TMEM132B: variants seen among roughly 807,000 people sequenced by gnomAD.
TMEM132B encodes the protein transmembrane protein 132B.
In TMEM132B, 18 loss-of-function variants were observed where a neutral mutation model predicts 90.8. The observed-to-expected ratio is 0.20, with a 90% CI of 0.14 to 0.29. TMEM132B has a LOEUF of 0.29. Ranked by LOEUF, TMEM132B falls within the 10% of genes least tolerant of loss-of-function variation. The pLI is 1.00. For synonymous variants in TMEM132B, 504 were observed against 523.3 expected (o/e 0.96, Z 0.50); for missense variants, 1,096 against 1,326.8 (o/e 0.83, Z 2.70).
chr12:125,381,973 C>T (rs1185711417), intron 2 of TMEM132B, among the ~76,000 whole-genome samples: 1 of 152,110 alleles, frequency 6.6e-6, no homozygotes, highest in Non-Finnish European at 1.5e-5. Context: ...CTGTGGAGGT[C>T]TTGCCAATTA....
At chr12:125,346,855 A>G (rs1008002562) in intron 1 of TMEM132B, among the ~76,000 whole-genome samples, 1 of 152,212 alleles carries the variant, frequency 6.6e-6, no homozygotes, top group Non-Finnish European at 1.5e-5. Flanking sequence ...TTCAATTAAC[A>G]TATTGTGTTT....
intron 1 of TMEM132B, among the ~76,000 whole-genome samples, chr12:125,317,008 G>T (rs1876299035): frequency 6.6e-6 from 1 of 152,142 alleles, no homozygotes; most frequent in African/African-American, 2.4e-5. Flanking sequence ...CTTGTTCCTG[G>T]CAGGGTGGTG....
chr12:125,390,297 A>G (rs1043369093), intron 2 of TMEM132B, among the ~76,000 whole-genome samples: 1 of 152,244 alleles, frequency 6.6e-6, no homozygotes, highest in African/African-American at 2.4e-5. Flanking sequence ...GTGAGAAAAC[A>G]AACTACTGCT....
At position 125,523,627 on chromosome 12, in the gene TMEM132B, C is replaced by T. The variant is rs138393051; in HGVS notation, c.1293+4002C>T. Among the ~76,000 whole-genome samples, 251 of 152,340 alleles carry T rather than the reference C, an allele frequency of 1.6e-3. 1 individual carries two copies. The highest frequency in any genetic ancestry group is 5.9e-3 in the African/African-American group (245 of 41,578). ...TATTTTCCTACCACACTTGCTTATGCAGGATTCCAGCTCTCTCTAGTTGGA... is the reference window on the plus strand; with the variant it reads ...TATTTTCCTACCACACTTGCTTATGTAGGATTCCAGCTCTCTCTAGTTGGA... On this transcript the variant is annotated intron_variant, in intron 4 of 8. Coordinates refer to ENST00000682704, the MANE Select transcript of TMEM132B (RefSeq NM_001366854.1).
At chr12:125,411,192 T>G (rs967169130) in intron 2 of TMEM132B, among the ~76,000 whole-genome samples, 1 of 105,948 alleles carries the variant, frequency 9.4e-6, no homozygotes, top group Non-Finnish European at 2.0e-5. Flanking sequence ...AGTGGAGGAG[T>G]GGAGTGGAGT....
rs183323310 is a variant in TMEM132B at position 125,257,727 on chromosome 12, T to C, written c.67+70861T>C. Among the ~76,000 whole-genome samples the C allele has an allele frequency of 2.3e-3, 345 of 152,226 alleles. 1 individual carries two copies. The highest frequency in any genetic ancestry group is 7.9e-3 in the African/African-American group (327 of 41,526). ...TGGGCCCTAAATGTAGTCAAAGTGT[T>C]AGAGGTGGGCAGATAGAGATTTGAC... On this transcript the variant is annotated intron_variant, in intron 1 of 8. Transcript: ENST00000682704.
intron 3 of TMEM132B, among the ~76,000 whole-genome samples, chr12:125,476,794 T>C (rs977065571): frequency 2.6e-5 from 4 of 152,194 alleles, no homozygotes; most frequent in Non-Finnish European, 4.4e-5. Context: ...GATACCTTAG[T>C]GCTCAGGCCT....
intron 3 of TMEM132B, among the ~76,000 whole-genome samples, chr12:125,478,460 G>A (rs952090237): frequency 1.1e-4 from 17 of 152,190 alleles, no homozygotes; most frequent in African/African-American, 3.1e-4. Context: ...TGAGAACTAC[G>A]TGATGCATGC....
At chr12:125,319,366 G>T (rs147989063) in intron 1 of TMEM132B, among the ~76,000 whole-genome samples, 55 of 152,334 alleles carry the variant, frequency 3.6e-4, no homozygotes, top group South Asian at 1.0e-3. Flanking sequence ...CGAGAACTTG[G>T]CTTTCCAGTA....
chr12:125,262,245 CA>C (rs11307058), intron 1 of TMEM132B, among the ~76,000 whole-genome samples: 34,222 of 84,380 alleles, frequency 0.41, 4,096 homozygotes, highest in African/African-American at 0.45. Context: ...CCTGTTTCTA[CA>C]AAAAAAAAAA....
chr12:125,638,755 T>C (rs972311475), intron 5 of TMEM132B, among the ~76,000 whole-genome samples: 4 of 152,206 alleles, frequency 2.6e-5, no homozygotes, highest in African/African-American at 4.8e-5. Flanking sequence ...GATTAAATTC[T>C]TGCTTCTTTT....
At chr12:125,518,128 T>A (rs1883214302) in intron 3 of TMEM132B, among the ~76,000 whole-genome samples, 1 of 152,100 alleles carries the variant, frequency 6.6e-6, no homozygotes, top group Non-Finnish European at 1.5e-5. Context: ...TTCTTACCAA[T>A]CAGGTCAGTG....
At chr12:125,235,967 T>C (rs12828927) in intron 1 of TMEM132B, among the ~76,000 whole-genome samples, 92,241 of 151,032 alleles carry the variant, frequency 0.61, 28,838 homozygotes, top group African/African-American at 0.75. Context: ...CCATGCCCGA[T>C]TAATGTTGTA....
At chr12:125,274,607 A>G (rs1163039435) in intron 1 of TMEM132B, among the ~76,000 whole-genome samples, 1 of 152,216 alleles carries the variant, frequency 6.6e-6, no homozygotes, top group Non-Finnish European at 1.5e-5. Context: ...TCAGTGCCCA[A>G]CTTGGGTTCA....
chr12:125,497,610 G>C (rs372460755), intron 3 of TMEM132B, among the ~76,000 whole-genome samples: 2 of 152,268 alleles, frequency 1.3e-5, no homozygotes, highest in African/African-American at 4.8e-5. Context: ...TGTCCAGACT[G>C]TTTTTATCTG....
intron 4 of TMEM132B, among the ~76,000 whole-genome samples, chr12:125,529,163 C>A (rs192344218): frequency 6.6e-6 from 1 of 152,148 alleles, no homozygotes; most frequent in Non-Finnish European, 1.5e-5. Flanking sequence ...CAGCTCACTG[C>A]AGCCTCAGTC....
At chr12:125,215,144 A>T (rs1213784121) in intron 1 of TMEM132B, among the ~76,000 whole-genome samples, 1 of 152,124 alleles carries the variant, frequency 6.6e-6, no homozygotes, top group Non-Finnish European at 1.5e-5. Context: ...CGTCATTGAA[A>T]TCTCTTCCTT....
chr12:125,653,514 A>C, intron 8 of TMEM132B, 51 bp from the exon 9 acceptor site: 2 of 1,524,740 alleles, frequency 1.3e-6, no homozygotes, highest in Non-Finnish European at 1.8e-6. Context: ...TATGTTTTCA[A>C]ATGTGAAGGA....
intron 3 of TMEM132B, among the ~76,000 whole-genome samples, chr12:125,479,016 T>A (rs914864049): frequency 2.0e-5 from 3 of 152,166 alleles, no homozygotes; most frequent in African/African-American, 4.8e-5. Context: ...AAACTAAGCT[T>A]CATAAGCGAA....
Sources: gnomAD v4.1 joint callset for allele counts (sites outside exome capture counted in the v4.1 genomes callset) on GRCh38, gnomAD v4.1.1 for gene constraint, MANE v1.5 for transcripts, NCBI Gene and HGNC (gene_info 2026-07-23, HGNC 2026-07-21) for gene names.